The following NKAIN2 variants were observed in gnomAD, a reference collection of about 807,000 sequenced individuals.
NKAIN2 encodes sodium/potassium transporting ATPase interacting 2, also known as sodium/potassium-transporting ATPase subunit beta-1-interacting protein 2.
In NKAIN2, 14 loss-of-function variants were observed where a neutral mutation model predicts 32.6. The observed-to-expected ratio is 0.43, with a 90% CI of 0.28 to 0.67. The LOEUF is 0.67. Ranked by LOEUF, NKAIN2 falls within the 30% of genes least tolerant of loss-of-function variation. The probability of loss-of-function intolerance (pLI) is 0.17; values close to 1 mark genes in which losing one functional copy is unlikely to be tolerated. For missense variants in NKAIN2, 198 were observed against 258.3 expected (o/e 0.77, Z 1.60); for synonymous variants, 80 against 87.2 (o/e 0.92, Z 0.46).
At position 124,216,933 on chromosome 6, in the gene NKAIN2, A is replaced by G. The variant is rs928716635; in HGVS notation, c.55-66072A>G. On this transcript the variant is annotated intron_variant, in intron 1 of 6. Transcript: ENST00000368417. The stretch of plus-strand genomic sequence containing the variant: ...AATTCAATGTTTGCAGCCAATGTGT[A>G]GAACATAACTATTATAAATAACAAG... Among the ~76,000 whole-genome samples, 91 of 152,178 alleles carry G rather than the reference A, an allele frequency of 6.0e-4. 2 individuals are homozygous for G. The highest frequency in any genetic ancestry group is 1.1e-3 in the Non-Finnish European group (77 of 68,028).
At chr6:124,140,300 GC>G (rs1360150976) in intron 1 of NKAIN2, among the ~76,000 whole-genome samples, 2 of 152,114 alleles carry the variant, frequency 1.3e-5, no homozygotes, top group African/African-American at 4.8e-5. Context: ...GTTAATGACA[GC>G]TCTGTGAATG....
chr6:124,377,025 C>A (rs1057282382), intron 3 of NKAIN2, among the ~76,000 whole-genome samples: 1 of 152,042 alleles, frequency 6.6e-6, no homozygotes, highest in Non-Finnish European at 1.5e-5. Context: ...ATTCTATCAC[C>A]CATTTAAGGT....
chr6:124,308,531 G>A (rs1484615035), intron 2 of NKAIN2, among the ~76,000 whole-genome samples: 1 of 152,160 alleles, frequency 6.6e-6, no homozygotes, highest in Non-Finnish European at 1.5e-5. Context: ...TTATTTATCT[G>A]AGTTGCTTTT....
At chr6:124,583,316 T>C (rs1436249271) in intron 3 of NKAIN2, among the ~76,000 whole-genome samples, 1 of 151,280 alleles carries the variant, frequency 6.6e-6, no homozygotes, top group Non-Finnish European at 1.5e-5. Context: ...GTAGCATTTA[T>C]ATAGCCAACA....
chr6:124,765,655 C>A (rs1013281213), intron 4 of NKAIN2, among the ~76,000 whole-genome samples: 2 of 152,200 alleles, frequency 1.3e-5, no homozygotes, highest in African/African-American at 4.8e-5. Flanking sequence ...CATGCACAAG[C>A]ATTAATGCCT....
At chr6:124,564,823 TA>T (rs1780842333) in intron 3 of NKAIN2, among the ~76,000 whole-genome samples, 1 of 152,184 alleles carries the variant, frequency 6.6e-6, no homozygotes, top group East Asian at 1.9e-4. Context: ...ATCAGCAAAA[TA>T]GTTGCAGAAA....
intron 3 of NKAIN2, among the ~76,000 whole-genome samples, chr6:124,495,646 C>T (rs1422072068): frequency 6.6e-6 from 1 of 152,108 alleles, no homozygotes; most frequent in Non-Finnish European, 1.5e-5. Context: ...CAGACTTAGT[C>T]TTTACACTAA....
At chr6:124,534,444 C>A (rs958737866) in intron 3 of NKAIN2, among the ~76,000 whole-genome samples, 5 of 152,172 alleles carry the variant, frequency 3.3e-5, no homozygotes, top group Non-Finnish European at 7.3e-5. Context: ...AGCCACCATG[C>A]CAAGCTTAGT....
At chr6:124,613,711 C>T (rs1294081738) in intron 3 of NKAIN2, among the ~76,000 whole-genome samples, 2 of 152,166 alleles carry the variant, frequency 1.3e-5, no homozygotes, top group Non-Finnish European at 2.9e-5. Context: ...TTACCTTCAT[C>T]AAGCTAACCT....
chr6:123,982,178 A>G (rs533469274), intron 1 of NKAIN2, among the ~76,000 whole-genome samples: 2 of 152,238 alleles, frequency 1.3e-5, no homozygotes, highest in Non-Finnish European at 2.9e-5. Flanking sequence ...AGATGAAAAG[A>G]TACATGCGAG....
intron 3 of NKAIN2, among the ~76,000 whole-genome samples, chr6:124,408,339 G>T (rs533425535): frequency 1.4e-3 from 219 of 152,208 alleles, no homozygotes; most frequent in Non-Finnish European, 1.6e-3. Flanking sequence ...CATCTAACAT[G>T]TAAGTCTTTA....
intron 3 of NKAIN2, among the ~76,000 whole-genome samples, chr6:124,378,253 T>C (rs1371235014): frequency 2.0e-5 from 3 of 152,098 alleles, no homozygotes; most frequent in Admixed American, 6.5e-5. Context: ...TTATTACTTA[T>C]AGATAGGCAG....
chr6:124,337,645 G>A (rs1797934218), intron 2 of NKAIN2, among the ~76,000 whole-genome samples: 1 of 152,172 alleles, frequency 6.6e-6, no homozygotes, highest in South Asian at 2.1e-4. Context: ...GCAATTAATT[G>A]GATCAGCCAC....
intron 1 of NKAIN2, among the ~76,000 whole-genome samples, chr6:123,983,057 A>G (rs188116001): frequency 6.9e-6 from 1 of 143,900 alleles, no homozygotes; most frequent in Non-Finnish European, 1.5e-5. Flanking sequence ...GGAGTGAGGA[A>G]GAGAGTGGAT....
At chr6:124,671,625 T>C (rs1411724352) in intron 4 of NKAIN2, among the ~76,000 whole-genome samples, 1 of 152,108 alleles carries the variant, frequency 6.6e-6, no homozygotes, top group Non-Finnish European at 1.5e-5. Flanking sequence ...ATCAACAATC[T>C]GTTTTTGCCT....
chr6:124,238,875 T>C (rs1231967481), intron 1 of NKAIN2, among the ~76,000 whole-genome samples: 2 of 152,122 alleles, frequency 1.3e-5, no homozygotes, highest in African/African-American at 2.4e-5. Context: ...ATCAACAAAT[T>C]GGCAAAATAA....
chr6:124,748,238 A>G (rs1777532630), intron 4 of NKAIN2, among the ~76,000 whole-genome samples: 1 of 152,034 alleles, frequency 6.6e-6, no homozygotes. Flanking sequence ...TCCACTATGC[A>G]ACTGTTGGTT....
intron 1 of NKAIN2, among the ~76,000 whole-genome samples, chr6:123,940,326 CTG>C (rs945155884): frequency 1.3e-5 from 2 of 148,664 alleles, no homozygotes; most frequent in South Asian, 2.1e-4. Context: ...GTGTGTGTGC[CTG>C]TGTGTGTATA....
At chr6:124,578,930 G>T (rs1781428529) in intron 3 of NKAIN2, among the ~76,000 whole-genome samples, 1 of 152,150 alleles carries the variant, frequency 6.6e-6, no homozygotes, top group Non-Finnish European at 1.5e-5. Flanking sequence ...TAAGGGAAGA[G>T]AATAAGAGTC....
Sources: gnomAD v4.1 joint callset for allele counts (sites outside exome capture counted in the v4.1 genomes callset) on GRCh38, gnomAD v4.1.1 for gene constraint, MANE v1.5 for transcripts, NCBI Gene and HGNC (gene_info 2026-07-23, HGNC 2026-07-21) for gene names.